The following PRICKLE2 variants were observed in gnomAD, a reference collection of about 807,000 sequenced individuals.
The protein encoded by PRICKLE2 is prickle planar cell polarity protein 2.
PRICKLE2 carries 21 observed loss-of-function variants against 81.4 expected under a neutral mutation model. The ratio of observed to expected loss-of-function variants is 0.26; its 90% CI spans 0.18 to 0.37. The LOEUF is 0.37. Ranked by LOEUF, PRICKLE2 falls within the 10% of genes least tolerant of loss-of-function variation. The pLI, the probability that PRICKLE2 is intolerant of heterozygous loss-of-function variation, is 1.00. For missense variants in PRICKLE2, 940 were observed against 1,109.0 expected (o/e 0.85, Z 2.16); for synonymous variants, 456 against 421.5 (o/e 1.08, Z -1.00).
chr3:64,141,777 C>G (rs1486812815), intron 7 of PRICKLE2: 1 of 983,626 alleles, frequency 1.0e-6, no homozygotes, highest in African/African-American at 1.7e-5. Flanking sequence ...AAAAATGCTG[C>G]CCACAGAAAG....
intron 2 of PRICKLE2, among the ~76,000 whole-genome samples, chr3:64,192,817 G>A (rs2078369700): frequency 6.6e-6 from 1 of 152,166 alleles, no homozygotes; most frequent in African/African-American, 2.4e-5. Flanking sequence ...ACATAGTTAT[G>A]GTCAAGGTAA....
At chr3:64,254,933 C>T (rs2079503266) in intron 2 of PRICKLE2, among the ~76,000 whole-genome samples, 1 of 152,122 alleles carries the variant, frequency 6.6e-6, no homozygotes, top group Admixed American at 6.5e-5. Flanking sequence ...TGATGATGCC[C>T]CTACAGGATT....
chr3:64,237,455 G>A (rs971210994), intron 2 of PRICKLE2, among the ~76,000 whole-genome samples: 23 of 152,160 alleles, frequency 1.5e-4, no homozygotes, highest in South Asian at 4.2e-4. Flanking sequence ...ACTCTTCTCC[G>A]AGGTCCCACT....
chr3:64,195,824 G>C (rs2078443554), intron 2 of PRICKLE2, among the ~76,000 whole-genome samples: 1 of 152,184 alleles, frequency 6.6e-6, no homozygotes, highest in Non-Finnish European at 1.5e-5. Context: ...AGGCGCTATA[G>C]AATTCTTAAA....
intron 7 of PRICKLE2, among the ~76,000 whole-genome samples, chr3:64,113,385 G>A (rs1159136694): frequency 2.6e-5 from 4 of 152,136 alleles, no homozygotes; most frequent in Non-Finnish European, 5.9e-5. Context: ...GGCCTCTTCT[G>A]GGGCCCCAGC....
chr3:64,141,964 A>G (rs909824631), intron 7 of PRICKLE2: 1 of 983,096 alleles, frequency 1.0e-6, no homozygotes, highest in Admixed American at 6.1e-5. Context: ...TAGGATTTAA[A>G]GATATGCAGA....
At chr3:64,192,702 A>T (rs998131626) in intron 2 of PRICKLE2, among the ~76,000 whole-genome samples, 1 of 152,212 alleles carries the variant, frequency 6.6e-6, no homozygotes, top group African/African-American at 2.4e-5. Context: ...GCCAAAAACT[A>T]GGCAGTCACA....
At chr3:64,180,515 T>A (rs79697192) in intron 2 of PRICKLE2, among the ~76,000 whole-genome samples, 8,113 of 149,088 alleles carry the variant, frequency 0.054, 287 homozygotes, top group Non-Finnish European at 0.084. Flanking sequence ...CCTTTCAGTA[T>A]CTACAAATTT....
At chr3:64,212,863 T>C (rs2078810451) in intron 1 of PRICKLE2, among the ~76,000 whole-genome samples, 1 of 152,188 alleles carries the variant, frequency 6.6e-6, no homozygotes, top group Non-Finnish European at 1.5e-5. Flanking sequence ...ACCTAGACCC[T>C]ACTAATCTAT....
At chr3:64,131,977 T>C (rs1429079991) in intron 7 of PRICKLE2, among the ~76,000 whole-genome samples, 4 of 152,230 alleles carry the variant, frequency 2.6e-5, no homozygotes, top group Non-Finnish European at 5.9e-5. Context: ...AGCTCTTTCC[T>C]CTTGACAACT....
intron 1 of PRICKLE2, among the ~76,000 whole-genome samples, chr3:64,207,315 T>A (rs977335072): frequency 1.3e-5 from 2 of 152,164 alleles, no homozygotes; most frequent in African/African-American, 4.8e-5. Flanking sequence ...ACAACTAATG[T>A]AGAAAAAATC....
At chr3:64,265,295 A>C (rs773015755) in intron 2 of PRICKLE2, among the ~76,000 whole-genome samples, 1 of 152,222 alleles carries the variant, frequency 6.6e-6, no homozygotes, top group Non-Finnish European at 1.5e-5. Flanking sequence ...CATCACATTT[A>C]AACCTCAATA....
chr3:64,133,475 C>T (rs1056292546), intron 7 of PRICKLE2, among the ~76,000 whole-genome samples: 2 of 152,094 alleles, frequency 1.3e-5, no homozygotes, highest in African/African-American at 4.8e-5. Context: ...TCATTGTCTT[C>T]CTCACTTAGG....
chr3:64,131,546 G>C (rs1312621534), intron 7 of PRICKLE2, among the ~76,000 whole-genome samples: 1 of 152,214 alleles, frequency 6.6e-6, no homozygotes, highest in Non-Finnish European at 1.5e-5. Context: ...CTTAAGGAAA[G>C]GTTTTGTGCT....
chr3:64,205,738 C>A (rs565541404), intron 1 of PRICKLE2, among the ~76,000 whole-genome samples: 1 of 152,136 alleles, frequency 6.6e-6, no homozygotes, highest in South Asian at 2.1e-4. Context: ...TTTATTCCCC[C>A]CCGCTTCTTA....
chr3:64,098,842 A>T lies in PRICKLE2; in HGVS notation c.*209T>A, dbSNP rs554698560. The T allele has an allele frequency of 1.8e-5, 11 of 615,254 alleles. No individual in the cohort carries two copies. The highest frequency in any genetic ancestry group is 2.6e-5 in the Admixed American group (1 of 37,790). The allele number at this position is 615,254 out of a possible 1,614,324, so 38.1% of individuals were successfully genotyped here. A position where few individuals can be genotyped will look rare whatever the true frequency, so the allele number is the denominator to read the frequency against. ...CCTCGATAGAGTCTACTGTGTTTCC[A>T]AAGTGAAATGTGCAAATAATATTCA... On this transcript the variant is annotated 3_prime_UTR_variant, in exon 8 of 8. Transcript: ENST00000638394.
At chr3:64,149,111 T>C (rs1210631514) in intron 6 of PRICKLE2, among the ~76,000 whole-genome samples, 4 of 152,188 alleles carry the variant, frequency 2.6e-5, no homozygotes, top group East Asian at 1.9e-4. Context: ...CAGGTTTATA[T>C]AGCCTGGCCA....
intron 2 of PRICKLE2, among the ~76,000 whole-genome samples, chr3:64,234,497 A>G (rs915157793): frequency 4.6e-5 from 7 of 152,098 alleles, no homozygotes; most frequent in Admixed American, 3.3e-4. Flanking sequence ...GCTCATTTTA[A>G]AATTGGGCAC....
intron 1 of PRICKLE2, among the ~76,000 whole-genome samples, chr3:64,204,369 C>T (rs577109614): frequency 6.8e-4 from 103 of 152,216 alleles, no homozygotes; most frequent in African/African-American, 2.3e-3. Flanking sequence ...CCACTTCCCA[C>T]GGAAGAAAAC....
Sources: allele counts gnomAD v4.1 joint callset (sites outside exome capture counted in the v4.1 genomes callset), GRCh38; gene constraint gnomAD v4.1.1; transcripts MANE v1.5; gene names NCBI Gene and HGNC (gene_info 2026-07-23, HGNC 2026-07-21).